MACROD2: variants seen among roughly 807,000 people sequenced by gnomAD.
MACROD2 encodes the protein mono-ADP ribosylhydrolase 2.
A neutral mutation model predicts 70.4 loss-of-function variants in MACROD2; 36 were observed. The observed-to-expected ratio is 0.51, with a 90% CI of 0.39 to 0.68. MACROD2 has a LOEUF of 0.68. Among genes scored for constraint, MACROD2 ranks in the 30% least tolerant of loss-of-function variants. The pLI is 0.00. For missense variants in MACROD2, 496 were observed against 538.4 expected (o/e 0.92, Z 0.78); for synonymous variants, 172 against 178.8 (o/e 0.96, Z 0.30).
intron 8 of MACROD2, among the ~76,000 whole-genome samples, chr20:15,528,664 C>G (rs561232117): frequency 1.3e-5 from 2 of 151,970 alleles, no homozygotes; most frequent in Non-Finnish European, 2.9e-5. Context: ...CCACACACTT[C>G]TGTTTGCGTT....
At chr20:15,137,855 T>C (rs892101655) in intron 5 of MACROD2, among the ~76,000 whole-genome samples, 3 of 152,130 alleles carry the variant, frequency 2.0e-5, no homozygotes, top group African/African-American at 4.8e-5. Flanking sequence ...AATTAAATAG[T>C]GCCTGCCTTT....
chr20:15,403,512 A>G (rs2045958407), intron 6 of MACROD2, among the ~76,000 whole-genome samples: 1 of 151,976 alleles, frequency 6.6e-6, no homozygotes, highest in South Asian at 2.1e-4. Flanking sequence ...TGTAATACCC[A>G]CTTTTACTTC....
chr20:14,098,583 A>G (rs946768661), intron 3 of MACROD2, among the ~76,000 whole-genome samples: 1 of 152,204 alleles, frequency 6.6e-6, no homozygotes, highest in Non-Finnish European at 1.5e-5. Flanking sequence ...AGGACTGCAC[A>G]GGATGAAAGG....
chr20:15,739,116 A>G (rs1382434743), intron 8 of MACROD2, among the ~76,000 whole-genome samples: 1 of 152,118 alleles, frequency 6.6e-6, no homozygotes, highest in East Asian at 1.9e-4. Flanking sequence ...TGTGACAGTG[A>G]GGAATGAGAG....
chr20:15,610,067 A>G (rs2048945852), intron 8 of MACROD2, among the ~76,000 whole-genome samples: 1 of 152,234 alleles, frequency 6.6e-6, no homozygotes, highest in Non-Finnish European at 1.5e-5. Flanking sequence ...AGCACAGTAC[A>G]AATACTTACA....
chr20:15,772,371 G>T (rs888961339), intron 8 of MACROD2, among the ~76,000 whole-genome samples: 4 of 151,914 alleles, frequency 2.6e-5, no homozygotes, highest in Admixed American at 2.6e-4. Context: ...GAAAACTGGG[G>T]CTCAGAAAAA....
chr20:14,551,304 TTTA>T lies in MACROD2; in HGVS notation c.301+57800_301+57802del, dbSNP rs142449560. Among the ~76,000 whole-genome samples, 203 of 152,312 alleles carry T rather than the reference TTTA, an allele frequency of 1.3e-3. 1 individual carries two copies. Among genetic ancestry groups the T allele is most frequent in the African/African-American group, 4.5e-3 (187 of 41,570 alleles). ...AATCAACTTGTGCTTCAATAATCTCTTTATTAGTTTTCAAATATTGATTTAAAT... is the reference window on the plus strand; with the variant it reads ...AATCAACTTGTGCTTCAATAATCTCTTTAGTTTTCAAATATTGATTTAAAT... On this transcript the variant is annotated intron_variant, in intron 4 of 17. Coordinates refer to ENST00000684519, the MANE Select transcript of MACROD2 (RefSeq NM_001351661.2).
intron 3 of MACROD2, among the ~76,000 whole-genome samples, chr20:14,453,682 T>C (rs1486351558): frequency 6.6e-6 from 1 of 152,070 alleles, no homozygotes; most frequent in South Asian, 2.1e-4. Flanking sequence ...TCGTTATAAA[T>C]GGAAATCTTA....
chr20:15,020,757 G>T (rs1045660814), intron 5 of MACROD2, among the ~76,000 whole-genome samples: 10 of 151,914 alleles, frequency 6.6e-5, no homozygotes, highest in African/African-American at 2.4e-4. Context: ...AACGATTTGT[G>T]TATCTAAACA....
intron 6 of MACROD2, among the ~76,000 whole-genome samples, chr20:15,232,977 G>A (rs1316893366): frequency 6.6e-6 from 1 of 151,792 alleles, no homozygotes; most frequent in Non-Finnish European, 1.5e-5. Context: ...GACGTTATCA[G>A]GTAACTTCCG....
At chr20:14,638,428 C>A (rs759745334) in intron 4 of MACROD2, among the ~76,000 whole-genome samples, 5 of 151,634 alleles carry the variant, frequency 3.3e-5, no homozygotes, top group Non-Finnish European at 5.9e-5. Flanking sequence ...TGTTGGTAAC[C>A]CCAATTTAGG....
intron 3 of MACROD2, among the ~76,000 whole-genome samples, chr20:14,478,678 C>T (rs1042772220): frequency 1.3e-5 from 2 of 152,040 alleles, no homozygotes; most frequent in African/African-American, 4.8e-5. Flanking sequence ...TTGGTTTTGT[C>T]CCATGGGTTT....
chr20:14,734,555 A>AC (rs1359687979), intron 5 of MACROD2, among the ~76,000 whole-genome samples: 10 of 151,382 alleles, frequency 6.6e-5, no homozygotes, highest in Non-Finnish European at 1.3e-4. Context: ...GCAAAAAAAA[A>AC]AACAACCAAT....
intron 12 of MACROD2, among the ~76,000 whole-genome samples, chr20:15,944,686 A>G (rs192831274): frequency 5.9e-5 from 9 of 152,288 alleles, no homozygotes; most frequent in Admixed American, 5.9e-4. Context: ...ATGTGAATGC[A>G]TGCAAATTTG....
chr20:15,313,766 A>G (rs538954837), intron 6 of MACROD2, among the ~76,000 whole-genome samples: 14 of 152,300 alleles, frequency 9.2e-5, no homozygotes, highest in South Asian at 2.1e-4. Context: ...ATGAATGTCT[A>G]TGTGTATGTT....
At chr20:14,347,276 T>C (rs2083073588) in intron 3 of MACROD2, among the ~76,000 whole-genome samples, 1 of 152,162 alleles carries the variant, frequency 6.6e-6, no homozygotes, top group Admixed American at 6.5e-5. Context: ...ACAGAGGAAA[T>C]TCTCTAGGAA....
At chr20:15,866,648 C>G (rs1027666215) in intron 9 of MACROD2, among the ~76,000 whole-genome samples, 1 of 152,148 alleles carries the variant, frequency 6.6e-6, no homozygotes, top group African/African-American at 2.4e-5. Context: ...AGGCTGAGAT[C>G]AACTTCCAGG....
intron 5 of MACROD2, among the ~76,000 whole-genome samples, chr20:14,853,314 C>T (rs1035658011): frequency 2.0e-5 from 3 of 151,864 alleles, no homozygotes; most frequent in African/African-American, 7.3e-5. Flanking sequence ...GTGACACTTG[C>T]TTTTGTTAGT....
chr20:14,083,358 G>A (rs1334266283), intron 2 of MACROD2, among the ~76,000 whole-genome samples: 1 of 151,742 alleles, frequency 6.6e-6, no homozygotes, highest in Non-Finnish European at 1.5e-5. Context: ...GGGAGATGGA[G>A]GTTGCAGTAA....
Sources: gnomAD v4.1 joint callset for allele counts (sites outside exome capture counted in the v4.1 genomes callset) on GRCh38, gnomAD v4.1.1 for gene constraint, MANE v1.5 for transcripts, NCBI Gene and HGNC (gene_info 2026-07-23, HGNC 2026-07-21) for gene names.